CERT1: variants seen among roughly 807,000 people sequenced by gnomAD.
The protein encoded by CERT1 is ceramide transporter 1, also known as ceramide transfer protein.
Under a neutral mutation model 87.9 loss-of-function variants are expected in CERT1, and 31 were observed. The observed-to-expected ratio is 0.35, with a 90% CI of 0.27 to 0.48. The LOEUF (loss-of-function observed/expected upper bound fraction) is 0.48, where lower values mean the gene tolerates loss of function less well. CERT1 is among the 20% of genes least tolerant of loss of function. The pLI is 0.99. For synonymous variants in CERT1, 289 were observed against 250.9 expected (o/e 1.15, Z -1.44); for missense variants, 487 against 758.0 (o/e 0.64, Z 4.20).
intron 3 of CERT1, among the ~76,000 whole-genome samples, chr5:75,458,306 T>C (rs373179683): frequency 8.3e-4 from 127 of 152,282 alleles, no homozygotes; most frequent in African/African-American, 2.9e-3. Context: ...TATCATTAGA[T>C]AGCCTCACAT....
At chr5:75,377,675 G>A (rs1415977476), downstream of CERT1, 4 of 152,156 alleles carry the variant, frequency 2.6e-5, no homozygotes, top group Non-Finnish European at 2.9e-5. Flanking sequence ...AAATACACTT[G>A]TATTTGTTCA....
At chr5:75,487,295 T>C (rs113954507) in intron 2 of CERT1, among the ~76,000 whole-genome samples, 1 of 152,060 alleles carries the variant, frequency 6.6e-6, no homozygotes, top group African/African-American at 2.4e-5. Context: ...AGAATGAAAC[T>C]AGACCCCTAC....
At chr5:75,460,797 T>C (rs1765191773) in intron 2 of CERT1, among the ~76,000 whole-genome samples, 1 of 152,212 alleles carries the variant, frequency 6.6e-6, no homozygotes, top group South Asian at 2.1e-4. Context: ...ATAAACTAAC[T>C]CTACCATTTT....
At chr5:75,450,378 A>G (rs906835174) in intron 3 of CERT1, among the ~76,000 whole-genome samples, 2 of 152,142 alleles carry the variant, frequency 1.3e-5, no homozygotes, top group South Asian at 2.1e-4. Flanking sequence ...ATAGCTTCCA[A>G]CCTGACTCTA....
At chr5:75,429,076 CT>C (rs1214986294) in intron 3 of CERT1, among the ~76,000 whole-genome samples, 1 of 151,620 alleles carries the variant, frequency 6.6e-6, no homozygotes, top group Non-Finnish European at 1.5e-5. Flanking sequence ...GATTAATGGT[CT>C]TTTTGTCAAA....
chr5:75,449,670 T>C (rs747892847), intron 3 of CERT1, among the ~76,000 whole-genome samples: 4 of 151,780 alleles, frequency 2.6e-5, no homozygotes, highest in Non-Finnish European at 4.4e-5. Flanking sequence ...ATGAGATTAC[T>C]TGTTGCTCCA....
intron 2 of CERT1, among the ~76,000 whole-genome samples, chr5:75,464,356 A>ACTG (rs923361259): frequency 6.2e-5 from 8 of 129,902 alleles, no homozygotes; most frequent in South Asian, 5.5e-4. Flanking sequence ...CTACTCACCT[A>ACTG]CCGCATAGTA....
chr5:75,445,088 TA>T (rs1764483088), intron 3 of CERT1, among the ~76,000 whole-genome samples: 1 of 152,282 alleles, frequency 6.6e-6, no homozygotes, highest in South Asian at 2.1e-4. Context: ...TCTGTGTGAC[TA>T]AAAAAATAAG....
chr5:75,383,769 T>C lies in CERT1; in HGVS notation c.1488+873A>G, dbSNP rs540022021. On this transcript the variant is annotated intron_variant, in intron 14 of 16. Transcript: ENST00000643780. ...GAAAAACAAAGTACCTATTAAATCA[T>C]TACATTTCTTTTATAATGTTTAATA... Among the ~76,000 whole-genome samples the C allele has an allele frequency of 2.0e-5, 3 of 151,056 alleles. No individual in the cohort carries two copies. In the South Asian group the frequency reaches 6.2e-4, roughly 31 times the overall value.
intron 3 of CERT1, among the ~76,000 whole-genome samples, chr5:75,436,748 A>C (rs1040342566): frequency 6.6e-6 from 1 of 152,146 alleles, no homozygotes; most frequent in African/African-American, 2.4e-5. Context: ...ATTTGAAAAT[A>C]TTCAAAACTC....
At chr5:75,505,851 T>G in intron 2 of CERT1, 131 bp downstream of exon 2, 1 of 596,008 alleles carries the variant, frequency 1.7e-6, no homozygotes, top group Non-Finnish European at 2.7e-6. Context: ...AAAAAAGTAT[T>G]AGAATGTATA....
intron 2 of CERT1, among the ~76,000 whole-genome samples, chr5:75,488,315 T>A (rs1766620595): frequency 6.6e-6 from 1 of 152,040 alleles, no homozygotes; most frequent in Non-Finnish European, 1.5e-5. Flanking sequence ...ACCCCATTAA[T>A]ACCTACTATG....
chr5:75,502,176 A>T (rs1175404683), intron 2 of CERT1, among the ~76,000 whole-genome samples: 1 of 152,196 alleles, frequency 6.6e-6, no homozygotes, highest in Non-Finnish European at 1.5e-5. Flanking sequence ...GGAAAAAGAA[A>T]TAAAAATGGG....
At chr5:75,489,696 C>T (rs1292433516) in intron 2 of CERT1, among the ~76,000 whole-genome samples, 5 of 152,092 alleles carry the variant, frequency 3.3e-5, no homozygotes, top group South Asian at 2.1e-4. Flanking sequence ...TACCATCTGA[C>T]GCCAGTTAGA....
At chr5:75,464,874 G>A (rs1043927433) in intron 2 of CERT1, among the ~76,000 whole-genome samples, 5 of 152,140 alleles carry the variant, frequency 3.3e-5, no homozygotes, top group African/African-American at 1.2e-4. Flanking sequence ...CACCGCAAGT[G>A]GCCCGGAGTT....
chr5:75,384,281 TC>T (rs1010740579), intron 14 of CERT1, among the ~76,000 whole-genome samples: 4 of 152,154 alleles, frequency 2.6e-5, no homozygotes, highest in African/African-American at 9.7e-5. Flanking sequence ...CACCAGTAGT[TC>T]CAATTACTTG....
chr5:75,442,393 GTAT>G (rs1012210519), intron 3 of CERT1, among the ~76,000 whole-genome samples: 5 of 152,050 alleles, frequency 3.3e-5, no homozygotes, highest in African/African-American at 1.2e-4. Context: ...GCTAATTTTT[GTAT>G]TTTTTGTAGA....
At chr5:75,386,775 A>T (rs140092661) in intron 12 of CERT1, among the ~76,000 whole-genome samples, 3,215 of 152,262 alleles carry the variant, frequency 0.021, 38 homozygotes, top group Non-Finnish European at 0.03. Flanking sequence ...TACTCATATT[A>T]TTGGGACCAC....
intron 2 of CERT1, among the ~76,000 whole-genome samples, chr5:75,474,762 A>AT (rs1165620965): frequency 6.6e-6 from 1 of 152,188 alleles, no homozygotes; most frequent in Non-Finnish European, 1.5e-5. Context: ...CTGAAATAAA[A>AT]TATCTAAAAC....
Sources: gnomAD v4.1 joint callset for allele counts (sites outside exome capture counted in the v4.1 genomes callset) on GRCh38, gnomAD v4.1.1 for gene constraint, MANE v1.5 for transcripts, NCBI Gene and HGNC (gene_info 2026-07-23, HGNC 2026-07-21) for gene names.